MAP2: variants seen among roughly 807,000 people sequenced by gnomAD.
MAP2 encodes the protein microtubule-associated protein 2.
In MAP2, 14 loss-of-function variants were observed where a neutral mutation model predicts 137.6. The observed-to-expected ratio is 0.10, with a 90% CI of 0.07 to 0.16. The LOEUF is 0.16. MAP2 is among the 10% of genes least tolerant of loss of function. The probability of loss-of-function intolerance (pLI) is 1.00; values close to 1 mark genes in which losing one functional copy is unlikely to be tolerated. For missense variants in MAP2, 2,088 were observed against 2,191.5 expected, an observed-to-expected ratio of 0.95 and a Z score of 0.94; for synonymous variants, 786 against 782.3, an observed-to-expected ratio of 1.00 and a Z score of -0.08.
rs757367849 is a variant in MAP2, at chr2:209,564,556, T to TAA, written c.-171-15454_-171-15453dup. On this transcript the variant is annotated intron_variant, in intron 2 of 15. Transcript: ENST00000682079. ...TGTGTTTTAGCACAGCTCTGTGGAG[T>TAA]AAAAAAAAAAAAAAAAAAAAAAAAA... Among the ~76,000 whole-genome samples the TAA allele has an allele frequency of 1.5e-3, 84 of 55,970 alleles. 2 individuals carry two copies. The highest frequency in any genetic ancestry group is 3.9e-3 in the African/African-American group (63 of 16,096). 36.7% of individuals were successfully genotyped at this position (55,970 alleles called of 152,430 possible). A position where few individuals can be genotyped will look rare whatever the true frequency, so the allele number is the denominator to read the frequency against.
chr2:209,629,896 T>C (rs2092797547), intron 4 of MAP2, among the ~76,000 whole-genome samples: 1 of 152,176 alleles, frequency 6.6e-6, no homozygotes, highest in Non-Finnish European at 1.5e-5. Context: ...TCTCAGTAAT[T>C]CTGGGCAGAT....
chr2:209,433,371 G>T (rs1694842687), intron 1 of MAP2, among the ~76,000 whole-genome samples: 1 of 152,060 alleles, frequency 6.6e-6, no homozygotes, highest in Non-Finnish European at 1.5e-5. Flanking sequence ...CCTCAAAGCA[G>T]GAAGAAGCTT....
intron 1 of MAP2, among the ~76,000 whole-genome samples, chr2:209,472,262 G>A (rs115794060): frequency 0.01 from 1,598 of 152,286 alleles, 29 homozygotes; most frequent in African/African-American, 0.037. Flanking sequence ...ATGGCCTTCA[G>A]AGCAAGTGTG....
At chr2:209,559,483 A>C (rs2071491910) in intron 2 of MAP2, among the ~76,000 whole-genome samples, 1 of 144,254 alleles carries the variant, frequency 6.9e-6, no homozygotes, top group African/African-American at 2.6e-5. Context: ...AAAATACAAA[A>C]AAAAAAAAAA....
intron 5 of MAP2, among the ~76,000 whole-genome samples, chr2:209,666,229 A>T (rs752868451): frequency 6.6e-6 from 1 of 152,146 alleles, no homozygotes; most frequent in Non-Finnish European, 1.5e-5. Flanking sequence ...TTTTTCTCCA[A>T]ATATTGCACT....
Position 209,720,511 on chromosome 2 carries a change from C to T in MAP2, c.5074-5198C>T, listed in dbSNP as rs886752029. Among the ~76,000 whole-genome samples, 7 of 151,802 alleles carry T rather than the reference C, an allele frequency of 4.6e-5. No homozygotes were observed. In the East Asian group the frequency reaches 9.7e-4, roughly 21 times the overall value. Reference sequence around the variant, plus strand: ...AAAATTAGCCGGACATGGTGGCGGGCGCCTGTAGTCCCAGCTACTCAGGAA... The same window carrying T: ...AAAATTAGCCGGACATGGTGGCGGGTGCCTGTAGTCCCAGCTACTCAGGAA... On this transcript the variant is annotated intron_variant, in intron 13 of 15. Transcript: ENST00000682079.
chr2:209,544,830 A>G (rs1232222933), intron 2 of MAP2, among the ~76,000 whole-genome samples: 1 of 152,174 alleles, frequency 6.6e-6, no homozygotes, highest in African/African-American at 2.4e-5. Context: ...GGAGGTTGGA[A>G]TAGATATTAT....
At chr2:209,485,623 C>T (rs963734998) in intron 1 of MAP2, among the ~76,000 whole-genome samples, 1 of 152,144 alleles carries the variant, frequency 6.6e-6, no homozygotes, top group Non-Finnish European at 1.5e-5. Flanking sequence ...TCTAGGCCAA[C>T]AGAGGTATGT....
chr2:209,677,413 G>T (rs1214570558), intron 5 of MAP2, among the ~76,000 whole-genome samples: 1 of 150,294 alleles, frequency 6.7e-6, no homozygotes, highest in Non-Finnish European at 1.5e-5. Flanking sequence ...TAGACAGACA[G>T]ACAGACAGAC....
intron 10 of MAP2, among the ~76,000 whole-genome samples, chr2:209,698,912 A>C (rs1163457461): frequency 3.3e-5 from 5 of 152,224 alleles, no homozygotes; most frequent in Non-Finnish European, 5.9e-5. Flanking sequence ...AGGATTGTGG[A>C]ATTTTAGAGA....
intron 1 of MAP2, among the ~76,000 whole-genome samples, chr2:209,478,292 C>T (rs1424729906): frequency 6.6e-6 from 1 of 152,166 alleles, no homozygotes; most frequent in East Asian, 1.9e-4. Context: ...TAGCAAGTGA[C>T]TCTCTGTGCC....
rs1337257751 is a variant in MAP2, at chr2:209,693,961, C to T, written c.1791C>T (p.Asp597=). 3 of 1,613,774 alleles carry T rather than the reference C, an allele frequency of 1.9e-6. No homozygotes were observed. Among genetic ancestry groups the T allele is most frequent in the African/African-American group, 2.7e-5 (2 of 74,888 alleles). ...GCAGTGATTACTATGAACTGAGTGA[C>T]ACTAGAGAAAGTGTCCATGAGTCTA... is the stretch of plus-strand genomic sequence containing the variant. ...EPGSDYYELS[D]TRESVHESID... Residue 597 remains aspartate, a synonymous_variant, in exon 8 of 16, where the codon GAC becomes GAT. Transcript: ENST00000682079.
chr2:209,512,258 A>G lies in MAP2; in HGVS notation c.-172+4617A>G, dbSNP rs1576726355. 2.0e-5 allele frequency among the ~76,000 whole-genome samples: 3 copies of G among 152,166 alleles called. No individual in the cohort carries two copies. The East Asian group carries it at 5.8e-4, about 29-fold the overall frequency. Reference sequence around the variant, plus strand: ...ACATATTGTATACTTGTATCAAAACACCACCTTGTGTCTGATAAATATGTA... The same window carrying G: ...ACATATTGTATACTTGTATCAAAACGCCACCTTGTGTCTGATAAATATGTA... On this transcript the variant is annotated intron_variant, in intron 2 of 15. Coordinates refer to ENST00000682079, the MANE Select transcript of MAP2 (RefSeq NM_001375505.1).
chr2:209,581,603 A>G (rs978482549), intron 3 of MAP2, among the ~76,000 whole-genome samples: 2 of 152,240 alleles, frequency 1.3e-5, no homozygotes, highest in Admixed American at 6.5e-5. Context: ...AAAAAAATCT[A>G]TTTGGTATTT....
At chr2:209,500,563 C>T (rs187237342) in intron 1 of MAP2, among the ~76,000 whole-genome samples, 96 of 152,282 alleles carry the variant, frequency 6.3e-4, no homozygotes, top group Middle Eastern at 3.4e-3. Context: ...CTCCCAAAAG[C>T]CCTGTTAGTA....
chr2:209,590,696 C>G (rs886411070), intron 3 of MAP2, among the ~76,000 whole-genome samples: 1 of 152,118 alleles, frequency 6.6e-6, no homozygotes, highest in African/African-American at 2.4e-5. Context: ...ATGTTTCAAG[C>G]GCTTGATAGC....
At chr2:209,591,551 G>A (rs370506655) in intron 3 of MAP2, among the ~76,000 whole-genome samples, 7 of 152,074 alleles carry the variant, frequency 4.6e-5, no homozygotes, top group Non-Finnish European at 2.9e-5. Context: ...TGAATGTATC[G>A]TTTTTAAGTT....
intron 1 of MAP2, among the ~76,000 whole-genome samples, chr2:209,489,417 G>A (rs1439094819): frequency 6.6e-6 from 1 of 152,152 alleles, no homozygotes; most frequent in East Asian, 1.9e-4. Context: ...GCCAGCAAGG[G>A]AACAAAACTG....
intron 1 of MAP2, among the ~76,000 whole-genome samples, chr2:209,446,510 A>G (rs1439622393): frequency 6.6e-6 from 1 of 151,882 alleles, no homozygotes; most frequent in South Asian, 2.1e-4. Context: ...CTAAAAATGA[A>G]ACAGACTGTA....
Sources: gnomAD v4.1 joint callset for allele counts (sites outside exome capture counted in the v4.1 genomes callset) on GRCh38, gnomAD v4.1.1 for gene constraint, MANE v1.5 for transcripts, NCBI Gene and HGNC (gene_info 2026-07-23, HGNC 2026-07-21) for gene names.